Variants in CAMTA1 observed in about 807,000 individuals in gnomAD.
CAMTA1 encodes the protein calmodulin binding transcription activator 1, also known as calmodulin-binding transcription activator 1.
In CAMTA1, 27 loss-of-function variants were observed where a neutral mutation model predicts 170.9. The ratio of observed to expected loss-of-function variants is 0.16; its 90% CI spans 0.12 to 0.22. The LOEUF (loss-of-function observed/expected upper bound fraction) is 0.22. CAMTA1 is among the 10% of genes least tolerant of loss of function. CAMTA1 has a pLI of 1.00. For synonymous variants in CAMTA1, 833 were observed against 891.5 expected, an observed-to-expected ratio of 0.93 and a Z score of 1.17; for missense variants, 1,619 against 2,217.2, an observed-to-expected ratio of 0.73 and a Z score of 5.42.
intron 1 of CAMTA1, among the ~76,000 whole-genome samples, chr1:6,788,349 G>A (rs1020679584): frequency 6.6e-6 from 1 of 152,170 alleles, no homozygotes; most frequent in Non-Finnish European, 1.5e-5. Context: ...GGCTCGCTTT[G>A]CCTCAGTTTA....
intron 5 of CAMTA1, among the ~76,000 whole-genome samples, chr1:7,302,646 G>A (rs895296571): frequency 6.6e-6 from 1 of 152,192 alleles, no homozygotes; most frequent in African/African-American, 2.4e-5. Context: ...GAGGAGTTGG[G>A]GGGCTTCATC....
At chr1:7,612,360 C>T (rs2095529610) in intron 6 of CAMTA1, among the ~76,000 whole-genome samples, 1 of 152,262 alleles carries the variant, frequency 6.6e-6, no homozygotes, top group East Asian at 1.9e-4. Context: ...AAACTCCTCT[C>T]GACGTTTAGA....
chr1:7,121,208 C>G (rs1644620833), intron 4 of CAMTA1, among the ~76,000 whole-genome samples: 1 of 152,162 alleles, frequency 6.6e-6, no homozygotes, highest in African/African-American at 2.4e-5. Flanking sequence ...CAGGGCTGGC[C>G]GAGGACTGGG....
At chr1:7,387,127 G>T (rs1259433287) in intron 5 of CAMTA1, among the ~76,000 whole-genome samples, 1 of 151,934 alleles carries the variant, frequency 6.6e-6, no homozygotes, top group Non-Finnish European at 1.5e-5. Context: ...CATGGCTTCA[G>T]TCTCCCCCCT....
intron 4 of CAMTA1, among the ~76,000 whole-genome samples, chr1:7,245,372 G>A (rs186666336): frequency 7.9e-4 from 119 of 150,690 alleles, no homozygotes; most frequent in Admixed American, 2.0e-4. Context: ...TGTAATCTAC[G>A]CAGTCTTACT....
intron 6 of CAMTA1, among the ~76,000 whole-genome samples, chr1:7,473,092 A>C (rs1465164011): frequency 2.0e-5 from 3 of 152,150 alleles, no homozygotes; most frequent in African/African-American, 4.8e-5. Flanking sequence ...TCCCCAAATC[A>C]GTGGGCCTTC....
intron 6 of CAMTA1, among the ~76,000 whole-genome samples, chr1:7,538,529 T>C (rs982821371): frequency 6.6e-6 from 1 of 152,180 alleles, no homozygotes; most frequent in Non-Finnish European, 1.5e-5. Flanking sequence ...CAAGTGCTTG[T>C]AGTCCCAGCT....
rs760112866 is a variant in CAMTA1, at chr1:7,293,963, G to T, written c.438+44337G>T. On this transcript the variant is annotated intron_variant, in intron 5 of 22. Transcript: ENST00000303635. This position sits in a 1 kb window ranked among gnomAD's most constrained non-coding sequence, Gnocchi z 4.1. Reference sequence around the variant, plus strand: ...TCGCACTTCCCACCTGTTAAAGCTTGCAAAGATATCATCGGCAGGCATTTT... The same window carrying T: ...TCGCACTTCCCACCTGTTAAAGCTTTCAAAGATATCATCGGCAGGCATTTT... Among the ~76,000 whole-genome samples the T allele has an allele frequency of 3.3e-5, 5 of 152,218 alleles. No individual in the cohort carries two copies. Among genetic ancestry groups the T allele is most frequent in the Non-Finnish European group, 4.4e-5 (3 of 68,038 alleles).
chr1:6,893,911 A>G (rs1675100632), intron 3 of CAMTA1, among the ~76,000 whole-genome samples: 1 of 152,242 alleles, frequency 6.6e-6, no homozygotes, highest in African/African-American at 2.4e-5. Context: ...AGGCATCCAA[A>G]TATTTACTCC....
chr1:7,253,619 C>T (rs1027325999), intron 5 of CAMTA1, among the ~76,000 whole-genome samples: 1 of 152,182 alleles, frequency 6.6e-6, no homozygotes, highest in African/African-American at 2.4e-5. Flanking sequence ...CACATCCATG[C>T]AAAGTACATG....
intron 7 of CAMTA1, among the ~76,000 whole-genome samples, chr1:7,655,642 A>G (rs2095895502): frequency 6.7e-6 from 1 of 148,946 alleles, no homozygotes; most frequent in East Asian, 2.0e-4. Flanking sequence ...ACCTATACAC[A>G]CACTACACAC....
At chr1:7,705,683 G>A (rs2096514250) in intron 11 of CAMTA1, among the ~76,000 whole-genome samples, 1 of 152,140 alleles carries the variant, frequency 6.6e-6, no homozygotes, top group Non-Finnish European at 1.5e-5. Flanking sequence ...GCAGACAGGT[G>A]CGAGGCGAGG....
chr1:7,525,487 T>C (rs927605629), intron 6 of CAMTA1, among the ~76,000 whole-genome samples: 1 of 151,992 alleles, frequency 6.6e-6, no homozygotes, highest in Non-Finnish European at 1.5e-5. Flanking sequence ...TATATGCAAA[T>C]CTCTTCAATA....
chr1:7,656,204 C>T (rs1028554561), intron 7 of CAMTA1, among the ~76,000 whole-genome samples: 1 of 152,200 alleles, frequency 6.6e-6, no homozygotes, highest in African/African-American at 2.4e-5. Context: ...AAAACACTGC[C>T]CTCACAGTGT....
chr1:7,242,941 G>T (rs926672013), intron 4 of CAMTA1, among the ~76,000 whole-genome samples: 2 of 151,794 alleles, frequency 1.3e-5, no homozygotes, highest in Non-Finnish European at 2.9e-5. Context: ...CAGCCTGGGC[G>T]ACAAAGCAAG....
Position 7,663,469 on chromosome 1 carries a change from G to A in CAMTA1, c.922G>A (p.Val308Met), listed in dbSNP as rs773378913. ...CCACTCGGAGGTGCAGCACAATGAC[G>A]TGTCGGAGGGCAAGCACGAGCACAG... The part of the protein sequence containing the change: ...GSHSEVQHND[V>M]SEGKHEHSHS... Residue 308 changes from valine (V) to methionine (M), a missense_variant, in exon 9 of 23, where the codon GTG (valine) becomes ATG (methionine). By Grantham distance (21) the Val-to-Met change is conservative. This residue lies in a region of CAMTA1 where 731 missense variants were observed against 907.6 expected (regional missense o/e 0.81). Transcript: ENST00000303635. 7 of 1,594,934 alleles carry A rather than the reference G, an allele frequency of 4.4e-6. No homozygotes were observed. The highest frequency in any genetic ancestry group is 1.3e-5 in the African/African-American group (1 of 74,804).
intron 5 of CAMTA1, among the ~76,000 whole-genome samples, chr1:7,421,226 C>T (rs1346614122): frequency 1.3e-5 from 2 of 149,536 alleles, no homozygotes; most frequent in African/African-American, 2.5e-5. Context: ...GATCTCAGTT[C>T]ACTGCAACCT....
At chr1:7,047,826 G>C (rs1003149093) in intron 3 of CAMTA1, among the ~76,000 whole-genome samples, 1 of 151,926 alleles carries the variant, frequency 6.6e-6, no homozygotes, top group African/African-American at 2.4e-5. Context: ...ATCCGAGCAG[G>C]GGATATGCCT....
chr1:6,872,290 A>AC (rs1557738515), intron 3 of CAMTA1, among the ~76,000 whole-genome samples: 1 of 151,734 alleles, frequency 6.6e-6, no homozygotes, highest in Non-Finnish European at 1.5e-5. Flanking sequence ...AGAGTAACTT[A>AC]TCTTTCTTTC....
Sources: allele counts gnomAD v4.1 joint callset (sites outside exome capture counted in the v4.1 genomes callset), GRCh38; gene constraint gnomAD v4.1.1; regional missense constraint gnomAD v4.1.1; non-coding constraint Gnocchi (gnomAD v3.1); transcripts MANE v1.5; gene names NCBI Gene and HGNC (gene_info 2026-07-23, HGNC 2026-07-21).